The following NBPF3 variants were observed in gnomAD, a reference collection of about 807,000 sequenced individuals.
The protein encoded by NBPF3 is NBPF family member NBPF3.
Under a neutral mutation model 78.1 loss-of-function variants are expected in NBPF3, and 57 were observed. That is an observed-to-expected ratio of 0.73 (90% CI 0.59 to 0.91). The LOEUF (loss-of-function observed/expected upper bound fraction) is 0.91. Among genes scored for constraint, NBPF3 ranks in the 40% least tolerant of loss-of-function variants. The probability of loss-of-function intolerance (pLI) is 0.00; values close to 1 mark genes in which losing one functional copy is unlikely to be tolerated. For missense variants in NBPF3, 510 were observed against 715.3 expected, an observed-to-expected ratio of 0.71 and a Z score of 3.27; for synonymous variants, 182 against 271.7, an observed-to-expected ratio of 0.67 and a Z score of 3.25.
chr1:21,437,473 C>G, upstream of NBPF3: 1 of 1,454,890 alleles, frequency 6.9e-7, no homozygotes, highest in Non-Finnish European at 9.2e-7. Flanking sequence ...CCATGCAGGT[C>G]CACGAGGACG....
rs2800939 is a variant in NBPF3 at position 21,481,457 on chromosome 1, G to C, written c.1434-140G>C. 1.7e-5 allele frequency: 18 copies of C among 1,075,116 alleles called. No individual in the cohort carries two copies. The East Asian group carries it at 4.9e-4, about 29-fold the overall frequency. The allele number at this position is 1,075,116 out of a possible 1,614,324, so 66.6% of individuals were successfully genotyped here. Reference sequence around the variant, plus strand: ...TTTGGCCCTGTGCCATCCCAACTGAGGGCAATAATTTGTTACCTCATTAAT... The same window carrying C: ...TTTGGCCCTGTGCCATCCCAACTGACGGCAATAATTTGTTACCTCATTAAT... On this transcript the variant is annotated intron_variant, in intron 12 of 14. Coordinates refer to ENST00000318249, the MANE Select transcript of NBPF3 (RefSeq NM_032264.6).
intron 2 of NBPF3, chr1:21,446,088 A>G (rs1229742774): frequency 1.3e-5 from 2 of 152,400 alleles, no homozygotes; most frequent in Non-Finnish European, 2.9e-5. Flanking sequence ...TGAGAAAGGC[A>G]AATGGATGAC....
At position 21,472,853 on chromosome 1, in the gene NBPF3, C is replaced by T. The variant is rs139898385; in HGVS notation, c.672C>T (p.Asp224=). ...CTTCTGTATTTACAGAAAATGATGACGATGAGGATGAAGATGTTAAAGTTG... is the reference window on the plus strand; with the variant it reads ...CTTCTGTATTTACAGAAAATGATGATGATGAGGATGAAGATGTTAAAGTTG... ...LVQKLSPEND[D]DEDEDVKVEE... The change falls in exon 6 of 15, where the codon GAC becomes GAT. Residue 224 remains aspartate, a synonymous_variant. Coordinates refer to ENST00000318249, the MANE Select transcript of NBPF3 (RefSeq NM_032264.6). 46 of 1,610,078 alleles carry T rather than the reference C, an allele frequency of 2.9e-5. No individual in the cohort carries two copies. Among genetic ancestry groups the T allele is most frequent in the Middle Eastern group, 1.7e-4 (1 of 6,056 alleles).
In NBPF3 at chr1:21,443,340, A is replaced by G. The variant is rs569227992; in HGVS notation, c.-139-1608A>G. On this transcript the variant is annotated intron_variant, in intron 1 of 14. Coordinates refer to ENST00000318249, the MANE Select transcript of NBPF3 (RefSeq NM_032264.6). ...TTAAGTGAATTATATGGTGTTCAGA[A>G]TGATTGCTAGAGGTTCACTGTGACT... 2.0e-5 allele frequency among the ~76,000 whole-genome samples: 3 copies of G among 152,334 alleles called. No individual in the cohort carries two copies. In the South Asian group the frequency reaches 6.2e-4, roughly 32 times the overall value.
At chr1:21,477,556 G>C (rs1328800058) in intron 8 of NBPF3, among the ~76,000 whole-genome samples, 1 of 152,014 alleles carries the variant, frequency 6.6e-6, no homozygotes, top group African/African-American at 2.4e-5. Flanking sequence ...GGAGTTTGCT[G>C]GAGGTCCACT....
At chr1:21,459,830 G>T (rs894266109) in intron 2 of NBPF3, 6 of 275,744 alleles carry the variant, frequency 2.2e-5, no homozygotes, top group Middle Eastern at 6.6e-4. Context: ...GAAGATGCAC[G>T]GTCAGTTCCC....
In NBPF3 at chr1:21,471,696, C is replaced by T. The variant is rs1169130154; in HGVS notation, c.574C>T (p.Pro192Ser). The change falls in exon 5 of 15, where the codon CCG becomes TCG. Residue 192 changes from proline (P) to serine (S), a missense_variant. Physicochemically the swap from Pro to Ser is moderately conservative, Grantham distance 74 (BLOSUM62 -1). This residue lies in a region of NBPF3 where 440 missense variants were observed against 478.2 expected (regional missense o/e 0.92). Transcript: ENST00000318249. ...HLQALLTPDE[P>S]DNSQGRDLRE... ...CCAGGCCCTCCTCACTCCGGATGAG[C>T]CGGACAACTCCCAGGGACGGGACCT... 1 of 1,613,530 alleles carries T rather than the reference C, an allele frequency of 6.2e-7. No homozygotes were observed. The highest frequency in any genetic ancestry group is 1.1e-5 in the South Asian group (1 of 91,026).
At position 21,471,685 on chromosome 1, in the gene NBPF3, C is replaced by G; in HGVS notation, c.563C>G (p.Thr188Ser). 6 of 1,613,546 alleles carry G rather than the reference C, an allele frequency of 3.7e-6. No homozygotes were observed. The highest frequency in any genetic ancestry group is 5.1e-6 in the Non-Finnish European group (6 of 1,179,884). Residue 188 changes from threonine (T) to serine (S), a missense_variant, in exon 5 of 15, where the codon ACT (threonine) becomes AGT (serine). Physicochemically the swap from Thr to Ser is moderately conservative, Grantham distance 58 (BLOSUM62 1). Coordinates refer to ENST00000318249, the MANE Select transcript of NBPF3 (RefSeq NM_032264.6). Reference protein sequence around the residue: ...SLNQHLQALLTPDEPDNSQGR... With the variant: ...SLNQHLQALLSPDEPDNSQGR... ...AATCAGCATCTCCAGGCCCTCCTCA[C>G]TCCGGATGAGCCGGACAACTCCCAG...
At chr1:21,443,688 T>C (rs1640798377) in intron 1 of NBPF3, among the ~76,000 whole-genome samples, 4 of 151,984 alleles carry the variant, frequency 2.6e-5, no homozygotes. Flanking sequence ...ATCATGGCTC[T>C]CTGCAGCCTT....
Position 21,471,644 on chromosome 1 carries a change from T to C in NBPF3, c.522T>C (p.Asp174=). 1 of 1,612,712 alleles carries C rather than the reference T, an allele frequency of 6.2e-7. No individual in the cohort carries two copies. The highest frequency in any genetic ancestry group is 1.1e-5 in the South Asian group (1 of 90,998). ...QLREKLQEGR[D]ASRSLNQHLQ... is the part of the protein sequence containing the mutation. ...GGGAGAAGTTACAGGAAGGGAGAGA[T>C]GCCTCCCGCTCATTGAATCAGCATC... The change falls in exon 5 of 15, where the codon GAT becomes GAC. Residue 174 remains aspartate (D), a synonymous_variant. Transcript: ENST00000318249.
intron 7 of NBPF3, 148 bp downstream of exon 7, chr1:21,473,733 A>C: frequency 1.4e-6 from 1 of 732,436 alleles, no homozygotes; most frequent in Admixed American, 2.5e-5. Context: ...TGTCCTTCTC[A>C]GCTCATGTCA....
chr1:21,473,097 G>A (rs1037543040), intron 6 of NBPF3, among the ~76,000 whole-genome samples, 182 bp downstream of exon 6: 3 of 152,132 alleles, frequency 2.0e-5, no homozygotes, highest in Non-Finnish European at 4.4e-5. Flanking sequence ...TGTGTGGTGG[G>A]TGTCATGTCT....
chr1:21,465,522 G>A (rs545058922), intron 2 of NBPF3, among the ~76,000 whole-genome samples: 38 of 152,336 alleles, frequency 2.5e-4, no homozygotes, highest in African/African-American at 8.9e-4. Flanking sequence ...TTTCAATGCA[G>A]TCTCTGAAGC....
intron 10 of NBPF3, among the ~76,000 whole-genome samples, chr1:21,479,820 C>CTCTGTGTGTGTGTGTGTGTG (rs766796014): frequency 1.2e-3 from 126 of 102,876 alleles, no homozygotes; most frequent in African/African-American, 2.9e-3. Flanking sequence ...CTCTCTCTCT[C>CTCTGTGTGTGTGTGTGTGTG]TGTGTGTGTG....
At chr1:21,446,468 T>TCCTTCCTTCCTA (rs1162984502) in intron 2 of NBPF3, 1 of 147,122 alleles carries the variant, frequency 6.8e-6, no homozygotes, top group African/African-American at 2.5e-5. Context: ...CTTCCTTCCT[T>TCCTTCCTTCCTA]CCTTCCTTCC....
rs1642907771 is a variant in NBPF3, at chr1:21,476,743, AAT to A, written c.993-1400_993-1399del. ...TTCTTTCAACCTTGGTGAATCTGAC[AAT>A]TATGTGTCTTGGAGTTGCTCTTCTC... On this transcript the variant is annotated intron_variant, in intron 8 of 14. Coordinates refer to ENST00000318249, the MANE Select transcript of NBPF3 (RefSeq NM_032264.6). This position sits in a 1 kb window ranked among gnomAD's most constrained non-coding sequence, Gnocchi z 4.1. Among the ~76,000 whole-genome samples the A allele has an allele frequency of 6.6e-6, 1 of 151,922 alleles. No individual in the cohort carries two copies. Among genetic ancestry groups the A allele is most frequent in the Admixed American group, 6.6e-5 (1 of 15,256 alleles).
chr1:21,471,895 T>A (rs1185792810), intron 5 of NBPF3, 112 bp downstream of exon 5: 1 of 1,410,418 alleles, frequency 7.1e-7, no homozygotes. Context: ...CCACTAAACG[T>A]ATGTGGCCGT....
At chr1:21,474,515 G>A (rs556752058) in intron 7 of NBPF3, among the ~76,000 whole-genome samples, 1 of 152,218 alleles carries the variant, frequency 6.6e-6, no homozygotes, top group East Asian at 1.9e-4. Flanking sequence ...TCTATCAGTC[G>A]AGTTTCATGT....
rs1479862063 is a variant in NBPF3, at chr1:21,476,245, T to G, written c.992+1294T>G. ...TTATCCAATTTGCCAGTCTGTGTCTTTTAATTGGGGCATTTAGCCTATTTA... is the reference window on the plus strand; with the variant it reads ...TTATCCAATTTGCCAGTCTGTGTCTGTTAATTGGGGCATTTAGCCTATTTA... On this transcript the variant is annotated intron_variant, in intron 8 of 14. Coordinates refer to ENST00000318249, the MANE Select transcript of NBPF3 (RefSeq NM_032264.6). The surrounding 1 kb of genome is among the most constrained non-coding windows in gnomAD (Gnocchi z 4.1). 1.3e-5 allele frequency among the ~76,000 whole-genome samples: 2 copies of G among 152,218 alleles called. No homozygotes were observed. Among genetic ancestry groups the G allele is most frequent in the Non-Finnish European group, 2.9e-5 (2 of 68,036 alleles).
Sources: allele counts gnomAD v4.1 joint callset (sites outside exome capture counted in the v4.1 genomes callset), GRCh38; gene constraint gnomAD v4.1.1; regional missense constraint gnomAD v4.1.1; non-coding constraint Gnocchi (gnomAD v3.1); transcripts MANE v1.5; gene names NCBI Gene and HGNC (gene_info 2026-07-23, HGNC 2026-07-21).